The following LIN9 variants were observed in gnomAD, a reference collection of about 807,000 sequenced individuals.
LIN9 encodes the protein lin-9 DREAM MuvB core complex component, also known as protein lin-9 homolog.
LIN9 carries 18 observed loss-of-function variants against 78.0 expected under a neutral mutation model. That is an observed-to-expected ratio of 0.23 (90% CI 0.16 to 0.34). The LOEUF is 0.34. LIN9 is among the 10% of genes least tolerant of loss of function. LIN9 has a pLI of 1.00. For missense variants in LIN9, 451 were observed against 644.1 expected (o/e 0.70, Z 3.25); for synonymous variants, 192 against 215.2 (o/e 0.89, Z 0.94).
chr1:226,264,320 T>C (rs1208105971), intron 10 of LIN9, among the ~76,000 whole-genome samples: 1 of 152,028 alleles, frequency 6.6e-6, no homozygotes, highest in African/African-American at 2.4e-5. Context: ...GAGGCTACAG[T>C]GAGCTGAGAT....
intron 7 of LIN9, among the ~76,000 whole-genome samples, chr1:226,271,658 C>T (rs964843695): frequency 1.3e-5 from 2 of 152,064 alleles, no homozygotes; most frequent in Admixed American, 6.5e-5. Flanking sequence ...CTTCTTCTAC[C>T]TATTAATTAC....
At chr1:226,251,938 TA>T (rs1405114820) in intron 10 of LIN9, among the ~76,000 whole-genome samples, 35 of 152,134 alleles carry the variant, frequency 2.3e-4, no homozygotes. Flanking sequence ...TAAGCATTGA[TA>T]ATCAATGGCA....
chr1:226,276,085 C>T (rs1660639575), intron 7 of LIN9, among the ~76,000 whole-genome samples: 1 of 152,194 alleles, frequency 6.6e-6, no homozygotes, highest in Admixed American at 6.5e-5. Flanking sequence ...GTAATTTTCT[C>T]ACATTTTGCT....
intron 2 of LIN9, among the ~76,000 whole-genome samples, chr1:226,298,456 C>A (rs1662295815): frequency 6.6e-6 from 1 of 152,212 alleles, no homozygotes; most frequent in Admixed American, 6.5e-5. Context: ...GATCTACCCG[C>A]CTCAGTGTCT....
At chr1:226,267,255 T>A (rs1246137318) in intron 8 of LIN9, among the ~76,000 whole-genome samples, 2 of 126,604 alleles carry the variant, frequency 1.6e-5, no homozygotes, top group African/African-American at 2.8e-5. Flanking sequence ...ATATATATAT[T>A]TCTTTTAGGA....
At chr1:226,294,177 G>A (rs1349086798) in intron 4 of LIN9, among the ~76,000 whole-genome samples, 3 of 151,330 alleles carry the variant, frequency 2.0e-5, no homozygotes, top group African/African-American at 4.9e-5. Context: ...GTGTGGTGGT[G>A]CGTGCCTATA....
chr1:226,235,342 AAG>A (rs1553274139), intron 12 of LIN9, among the ~76,000 whole-genome samples: 2 of 150,216 alleles, frequency 1.3e-5, no homozygotes, highest in Non-Finnish European at 2.9e-5. Context: ...AAAAAAAAAA[AAG>A]AGTTTCAGGA....
intron 12 of LIN9, among the ~76,000 whole-genome samples, chr1:226,236,764 C>CT (rs775934356): frequency 6.6e-6 from 1 of 152,098 alleles, no homozygotes; most frequent in Non-Finnish European, 1.5e-5. Context: ...GCGTGTCTGA[C>CT]TTTATTTGTT....
chr1:226,283,328 G>C (rs1447371214), intron 6 of LIN9, among the ~76,000 whole-genome samples: 1 of 118,196 alleles, frequency 8.5e-6, no homozygotes, highest in Non-Finnish European at 1.6e-5. Flanking sequence ...GTCTCACCAT[G>C]GTGCCCAGGC....
chr1:226,283,895 T>C (rs1303869032), intron 6 of LIN9, among the ~76,000 whole-genome samples: 4 of 151,998 alleles, frequency 2.6e-5, no homozygotes, highest in African/African-American at 9.7e-5. Flanking sequence ...TGAGCCGAGA[T>C]TGTGCAACCA....
chr1:226,245,074 G>A (rs1658381910), intron 11 of LIN9, among the ~76,000 whole-genome samples: 1 of 152,148 alleles, frequency 6.6e-6, no homozygotes, highest in Non-Finnish European at 1.5e-5. Flanking sequence ...CACCTGTAGA[G>A]GCCAGAGGGA....
intron 12 of LIN9, among the ~76,000 whole-genome samples, chr1:226,234,740 A>T (rs762058865): frequency 6.6e-6 from 1 of 151,936 alleles, no homozygotes; most frequent in Non-Finnish European, 1.5e-5. Context: ...AGACATATAC[A>T]CTCACTTATA....
chr1:226,241,172 G>A (rs564783362), intron 11 of LIN9, among the ~76,000 whole-genome samples: 89 of 152,262 alleles, frequency 5.8e-4, no homozygotes, highest in Non-Finnish European at 9.0e-4. Flanking sequence ...CTTCCTATTC[G>A]TAAACCTCAG....
chr1:226,309,173 C>T (rs1379632953), upstream of LIN9: 4 of 1,408,042 alleles, frequency 2.8e-6, no homozygotes, highest in East Asian at 2.7e-5. Context: ...TCAAAGGCTG[C>T]CCGCCGCGGT....
intron 7 of LIN9, among the ~76,000 whole-genome samples, chr1:226,273,435 A>G (rs915084649): frequency 4.6e-5 from 7 of 151,738 alleles, no homozygotes. Context: ...TTGTAGAAAC[A>G]GTGTTTCACC....
rs1657378931 is a variant in LIN9, at chr1:226,232,153, G to C, written c.*348C>G. ...TTTCTTCATACTCTCCATTGCAGCA[G>C]TTGTCTGCATGTGTTGCGGTGAATT... On this transcript the variant is annotated 3_prime_UTR_variant, in exon 15 of 15. Coordinates refer to ENST00000681046, the MANE Select transcript of LIN9 (RefSeq NM_001366245.2). 2.5e-6 allele frequency: 1 copy of C among 399,448 alleles called. No individual in the cohort carries two copies. The highest frequency in any genetic ancestry group is 3.6e-5 in the East Asian group (1 of 28,058). 24.7% of individuals were successfully genotyped at this position (399,448 alleles called of 1,614,324 possible). A position where few individuals can be genotyped will look rare whatever the true frequency, so the allele number is the denominator to read the frequency against.
intron 10 of LIN9, among the ~76,000 whole-genome samples, chr1:226,251,748 A>T (rs888378906): frequency 6.6e-6 from 1 of 152,218 alleles, no homozygotes; most frequent in African/African-American, 2.4e-5. Flanking sequence ...TGTCAAAAGG[A>T]CTAAGGAGTC....
chr1:226,277,751 A>G (rs1660760956), intron 7 of LIN9, 24 bp downstream of exon 7: 2 of 1,594,220 alleles, frequency 1.3e-6, no homozygotes, highest in Non-Finnish European at 1.7e-6. Flanking sequence ...AAGTCAAAAG[A>G]GTAATTAGCT....
At chr1:226,300,015 G>A (rs181583986) in intron 2 of LIN9, among the ~76,000 whole-genome samples, 68 of 150,794 alleles carry the variant, frequency 4.5e-4, no homozygotes, top group African/African-American at 1.1e-3. Flanking sequence ...CTTGGCTTAC[G>A]GCAATCTCTG....
Sources: allele counts gnomAD v4.1 joint callset (sites outside exome capture counted in the v4.1 genomes callset), GRCh38; gene constraint gnomAD v4.1.1; transcripts MANE v1.5; gene names NCBI Gene and HGNC (gene_info 2026-07-23, HGNC 2026-07-21).